The following P3H2 variants were observed in gnomAD, a reference collection of about 807,000 sequenced individuals.
The protein encoded by P3H2 is prolyl 3-hydroxylase 2, also known as leprecan-like 1.
A neutral mutation model predicts 87.0 loss-of-function variants in P3H2; 80 were observed. The observed-to-expected ratio is 0.92, with a 90% CI of 0.77 to 1.11. P3H2 has a LOEUF of 1.11. P3H2 is among the 50% of genes least tolerant of loss of function. P3H2 has a pLI of 0.00. For synonymous variants in P3H2, 367 were observed against 359.3 expected (o/e 1.02, Z -0.24); for missense variants, 1,001 against 923.9 (o/e 1.08, Z -1.08).
At chr3:189,982,393 T>G (rs1296202912) in intron 8 of P3H2, among the ~76,000 whole-genome samples, 1 of 152,220 alleles carries the variant, frequency 6.6e-6, no homozygotes, top group Non-Finnish European at 1.5e-5. Context: ...ATAGTTTTTA[T>G]TAATATAACA....
intron 1 of P3H2, among the ~76,000 whole-genome samples, chr3:190,007,350 G>T (rs922930818): frequency 6.6e-6 from 1 of 152,176 alleles, no homozygotes; most frequent in Non-Finnish European, 1.5e-5. Flanking sequence ...GAATATGGTG[G>T]TAATAGCAAT....
chr3:189,980,745 C>T (rs1176616766), intron 8 of P3H2, among the ~76,000 whole-genome samples: 1 of 151,952 alleles, frequency 6.6e-6, no homozygotes, highest in African/African-American at 2.4e-5. Context: ...CTCCCAAATC[C>T]CTTGGAATTT....
intron 9 of P3H2, 96 bp from the exon 10 acceptor site, chr3:189,974,100 C>A: frequency 1.0e-6 from 1 of 960,034 alleles, no homozygotes; most frequent in Non-Finnish European, 1.7e-6. Flanking sequence ...GAACTCTAGT[C>A]AATGCTAAGA....
intron 1 of P3H2, among the ~76,000 whole-genome samples, chr3:190,087,338 C>A (rs1426287409): frequency 6.6e-6 from 1 of 151,800 alleles, no homozygotes; most frequent in East Asian, 1.9e-4. Flanking sequence ...AGATCGAGAC[C>A]ATCCTGGCTA....
chr3:190,069,434 T>C (rs553473284), intron 1 of P3H2, among the ~76,000 whole-genome samples: 17 of 152,338 alleles, frequency 1.1e-4, no homozygotes, highest in Admixed American at 1.0e-3. Flanking sequence ...AAATCTTATA[T>C]ATTTGATGGG....
At chr3:190,010,192 T>C (rs1724542154) in intron 1 of P3H2, among the ~76,000 whole-genome samples, 1 of 152,150 alleles carries the variant, frequency 6.6e-6, no homozygotes, top group Non-Finnish European at 1.5e-5. Context: ...GTCATCATCA[T>C]GTGTAGACTG....
chr3:190,118,221 A>G (rs1275351459), intron 1 of P3H2, among the ~76,000 whole-genome samples: 1 of 152,058 alleles, frequency 6.6e-6, no homozygotes, highest in Non-Finnish European at 1.5e-5. Flanking sequence ...ATTGAGAGTT[A>G]CCTCATGGTT....
At chr3:190,009,335 TGA>T (rs1339922422) in intron 1 of P3H2, among the ~76,000 whole-genome samples, 1 of 152,220 alleles carries the variant, frequency 6.6e-6, no homozygotes, top group African/African-American at 2.4e-5. Context: ...CATCTCCATC[TGA>T]GAGAGGAGAA....
intron 1 of P3H2, among the ~76,000 whole-genome samples, chr3:190,071,010 T>C (rs903966054): frequency 2.0e-5 from 3 of 152,226 alleles, no homozygotes; most frequent in Non-Finnish European, 4.4e-5. Context: ...TAAAATAATT[T>C]TGGCTTTTTT....
intron 1 of P3H2, among the ~76,000 whole-genome samples, chr3:190,063,825 G>T (rs1003505265): frequency 2.6e-5 from 4 of 152,050 alleles, no homozygotes; most frequent in Non-Finnish European, 5.9e-5. Context: ...ATAGGCAGAG[G>T]CTTTAAAGAG....
intron 1 of P3H2, among the ~76,000 whole-genome samples, chr3:190,026,292 G>C (rs1725082240): frequency 6.6e-6 from 1 of 152,166 alleles, no homozygotes; most frequent in Non-Finnish European, 1.5e-5. Context: ...ATCTTGAGTA[G>C]TGGCTGGGTA....
chr3:190,066,372 G>C (rs1315211011), intron 1 of P3H2, among the ~76,000 whole-genome samples: 2 of 152,030 alleles, frequency 1.3e-5, no homozygotes, highest in Non-Finnish European at 2.9e-5. Context: ...TATTCTAAGA[G>C]AAGTAACTCA....
intron 1 of P3H2, among the ~76,000 whole-genome samples, chr3:190,087,799 G>A (rs2108983624): frequency 6.6e-6 from 1 of 152,252 alleles, no homozygotes; most frequent in Admixed American, 6.5e-5. Flanking sequence ...GTGGAAGAAG[G>A]AAGACTTCAA....
intron 11 of P3H2, 65 bp downstream of exon 11, chr3:189,972,809 T>C: frequency 6.4e-7 from 1 of 1,557,048 alleles, no homozygotes; most frequent in Non-Finnish European, 8.9e-7. Context: ...TGAGCTTTGT[T>C]TTGCCTTGTT....
chr3:190,090,606 G>A (rs1727377337), intron 1 of P3H2, among the ~76,000 whole-genome samples: 1 of 152,096 alleles, frequency 6.6e-6, no homozygotes, highest in South Asian at 2.1e-4. Context: ...GGGAGGCTGA[G>A]GCAGGAGAAT....
At chr3:190,086,946 C>G (rs1184172615) in intron 1 of P3H2, among the ~76,000 whole-genome samples, 1 of 152,196 alleles carries the variant, frequency 6.6e-6, no homozygotes, top group Non-Finnish European at 1.5e-5. Context: ...AAGATGGGAA[C>G]TTGAGAGGAA....
At chr3:189,966,512 C>T (rs1430445161) in intron 13 of P3H2, among the ~76,000 whole-genome samples, 1 of 152,208 alleles carries the variant, frequency 6.6e-6, no homozygotes. Context: ...TCTCATCACA[C>T]AGCGAACATC....
intron 1 of P3H2, among the ~76,000 whole-genome samples, chr3:190,058,060 AAAAAT>A (rs372258367): frequency 1.1e-4 from 17 of 152,292 alleles, no homozygotes; most frequent in African/African-American, 3.8e-4. Flanking sequence ...CCCAACACCA[AAAAAT>A]AAAATAAAAT....
intron 1 of P3H2, among the ~76,000 whole-genome samples, chr3:190,086,641 A>G (rs1005210791): frequency 2.0e-5 from 3 of 152,146 alleles, no homozygotes; most frequent in African/African-American, 7.2e-5. Context: ...ATGAATCCAA[A>G]TTCTCCCTTA....
Sources: allele counts gnomAD v4.1 joint callset (sites outside exome capture counted in the v4.1 genomes callset), GRCh38; gene constraint gnomAD v4.1.1; transcripts MANE v1.5; gene names NCBI Gene and HGNC (gene_info 2026-07-23, HGNC 2026-07-21).